Variants in ADAMTSL3 observed in about 807,000 individuals in gnomAD.
ADAMTSL3 encodes ADAMTS like 3, also known as ADAMTS-like protein 3.
In ADAMTSL3, 128 loss-of-function variants were observed where a neutral mutation model predicts 201.7. The observed-to-expected ratio is 0.63, with a 90% CI of 0.55 to 0.73. ADAMTSL3 has a LOEUF of 0.73. Ranked by LOEUF, ADAMTSL3 falls within the 30% of genes least tolerant of loss-of-function variation. The pLI, the probability that ADAMTSL3 is intolerant of heterozygous loss-of-function variation, is 0.00. For synonymous variants in ADAMTSL3, 738 were observed against 748.4 expected, an observed-to-expected ratio of 0.99 and a Z score of 0.23; for missense variants, 1,990 against 2,119.6, an observed-to-expected ratio of 0.94 and a Z score of 1.20.
At chr15:83,715,025 G>T (rs1429950510) in intron 3 of ADAMTSL3, among the ~76,000 whole-genome samples, 3 of 151,674 alleles carry the variant, frequency 2.0e-5, no homozygotes, top group Non-Finnish European at 2.9e-5. Context: ...GGTTGTAGTG[G>T]GAGGGAGTGA....
chr15:84,018,199 A>G (rs535698829), intron 25 of ADAMTSL3, among the ~76,000 whole-genome samples: 9 of 152,172 alleles, frequency 5.9e-5, no homozygotes, highest in African/African-American at 2.2e-4. Context: ...TTGTTCTGCC[A>G]CCTCCTACAC....
intron 3 of ADAMTSL3, among the ~76,000 whole-genome samples, chr15:83,750,298 C>T (rs2141668718): frequency 1.3e-5 from 2 of 152,274 alleles, no homozygotes; most frequent in Admixed American, 1.3e-4. Context: ...ACCTAAGTTT[C>T]TACTTAAATA....
intron 3 of ADAMTSL3, among the ~76,000 whole-genome samples, chr15:83,766,902 A>G (rs1282752398): frequency 6.6e-6 from 1 of 152,134 alleles, no homozygotes; most frequent in South Asian, 2.1e-4. Flanking sequence ...CAAGACCAGC[A>G]TGGCCAACAT....
intron 3 of ADAMTSL3, among the ~76,000 whole-genome samples, chr15:83,748,501 A>T (rs2062584431): frequency 6.6e-6 from 1 of 151,842 alleles, no homozygotes; most frequent in African/African-American, 2.4e-5. Context: ...ATACACAAAA[A>T]GTAGCCAGGC....
intron 6 of ADAMTSL3, among the ~76,000 whole-genome samples, chr15:83,820,381 G>T (rs925694792): frequency 6.6e-6 from 1 of 152,092 alleles, no homozygotes; most frequent in African/African-American, 2.4e-5. Flanking sequence ...CCGGGCCATC[G>T]ATTAGTGATT....
At chr15:83,849,161 A>G (rs561710790) in intron 7 of ADAMTSL3, among the ~76,000 whole-genome samples, 1 of 152,142 alleles carries the variant, frequency 6.6e-6, no homozygotes. Flanking sequence ...TAAATTAGAC[A>G]CGGTCGCCTA....
At chr15:83,903,920 A>AGGAAGGAAGGAAGGGAGGG (rs1329970127) in intron 15 of ADAMTSL3, among the ~76,000 whole-genome samples, 4 of 58,788 alleles carry the variant, frequency 6.8e-5, no homozygotes, top group Admixed American at 2.4e-4. Context: ...TCCACATCAA[A>AGGAAGGAAGGAAGGGAGGG]AAAAAAAAAA....
At chr15:83,663,619 G>A (rs993958098) in intron 2 of ADAMTSL3, among the ~76,000 whole-genome samples, 3 of 152,138 alleles carry the variant, frequency 2.0e-5, no homozygotes, top group African/African-American at 7.2e-5. Context: ...TTTCAGTTCT[G>A]TGTAGAGCTT....
intron 5 of ADAMTSL3, among the ~76,000 whole-genome samples, chr15:83,819,319 A>G (rs2063820690): frequency 6.6e-6 from 1 of 151,896 alleles, no homozygotes; most frequent in Non-Finnish European, 1.5e-5. Flanking sequence ...CTCACAGAGC[A>G]CAGCAGTTTT....
intron 5 of ADAMTSL3, among the ~76,000 whole-genome samples, chr15:83,810,412 G>A (rs1327837186): frequency 6.6e-6 from 1 of 152,218 alleles, no homozygotes; most frequent in Non-Finnish European, 1.5e-5. Context: ...AAACAAGCAT[G>A]TGGGTGCATT....
intron 3 of ADAMTSL3, among the ~76,000 whole-genome samples, chr15:83,720,329 AAAAATT>A (rs1282163873): frequency 2.0e-5 from 3 of 152,218 alleles, no homozygotes; most frequent in African/African-American, 7.2e-5. Context: ...ATTCACTAGA[AAAAATT>A]AATTAGCAGA....
chr15:83,918,461 T>G (rs2066077083), intron 16 of ADAMTSL3, among the ~76,000 whole-genome samples: 1 of 152,214 alleles, frequency 6.6e-6, no homozygotes. Flanking sequence ...GCATTTGACC[T>G]AATTACACTT....
chr15:83,968,376 A>G (rs865976477), intron 19 of ADAMTSL3, among the ~76,000 whole-genome samples: 1 of 152,384 alleles, frequency 6.6e-6, no homozygotes, highest in South Asian at 2.1e-4. Flanking sequence ...ATATGAACAG[A>G]TACTTCTCCA....
chr15:83,744,054 G>A (rs1055561409), intron 3 of ADAMTSL3, among the ~76,000 whole-genome samples: 2 of 152,024 alleles, frequency 1.3e-5, no homozygotes, highest in Non-Finnish European at 1.5e-5. Context: ...GTTTCACCGT[G>A]CTAGCCAGGC....
intron 3 of ADAMTSL3, among the ~76,000 whole-genome samples, chr15:83,730,620 T>G (rs530839572): frequency 2.5e-5 from 3 of 119,804 alleles, no homozygotes; most frequent in African/African-American, 1.3e-4. Context: ...TTTAGAATCA[T>G]AATTTTTTTT....
At chr15:83,992,158 G>A (rs1315572405) in intron 23 of ADAMTSL3, among the ~76,000 whole-genome samples, 1 of 152,182 alleles carries the variant, frequency 6.6e-6, no homozygotes, top group Non-Finnish European at 1.5e-5. Context: ...TGACAGAGGA[G>A]CTTTTGCTGC....
At chr15:83,712,963 C>T (rs1042225006) in intron 3 of ADAMTSL3, among the ~76,000 whole-genome samples, 2 of 152,192 alleles carry the variant, frequency 1.3e-5, no homozygotes, top group Admixed American at 6.5e-5. Context: ...CATGCTTCTA[C>T]TACATGCATT....
chr15:84,006,608 A>G (rs945739634), intron 23 of ADAMTSL3, among the ~76,000 whole-genome samples: 3 of 152,156 alleles, frequency 2.0e-5, no homozygotes, highest in African/African-American at 7.2e-5. Flanking sequence ...CAATTTCAGC[A>G]TTGTGGAAAC....
At chr15:83,987,869 G>GA (rs1184982729) in intron 21 of ADAMTSL3, among the ~76,000 whole-genome samples, 1 of 152,086 alleles carries the variant, frequency 6.6e-6, no homozygotes, top group East Asian at 1.9e-4. Flanking sequence ...TGGGGCAGGG[G>GA]AAAAATAGTA....
Sources: gnomAD v4.1 joint callset for allele counts (sites outside exome capture counted in the v4.1 genomes callset) on GRCh38, gnomAD v4.1.1 for gene constraint, MANE v1.5 for transcripts, NCBI Gene and HGNC (gene_info 2026-07-23, HGNC 2026-07-21) for gene names.